Variants in STAG1 observed in about 807,000 individuals in gnomAD.
The protein encoded by STAG1 is cohesin subunit SA-1.
STAG1 carries 26 observed loss-of-function variants against 170.9 expected under a neutral mutation model. That is an observed-to-expected ratio of 0.15 (90% confidence interval 0.11 to 0.21). The LOEUF is 0.21. Ranked by LOEUF, STAG1 falls within the 10% of genes least tolerant of loss-of-function variation. The pLI is 1.00. For missense variants in STAG1, 964 were observed against 1,509.5 expected, an observed-to-expected ratio of 0.64 and a Z score of 5.99; for synonymous variants, 514 against 497.7, an observed-to-expected ratio of 1.03 and a Z score of -0.44.
chr3:136,559,124 C>CTATCTATCTATCTAT (rs1553745528), intron 5 of STAG1, among the ~76,000 whole-genome samples: 7 of 143,984 alleles, frequency 4.9e-5, no homozygotes, highest in Admixed American at 2.8e-4. Context: ...CACTGAACTA[C>CTATCTATCTATCTAT]CTATCTATCT....
At chr3:136,436,035 G>A (rs1269314368) in intron 15 of STAG1, among the ~76,000 whole-genome samples, 2 of 151,998 alleles carry the variant, frequency 1.3e-5, no homozygotes, top group Non-Finnish European at 2.9e-5. Context: ...TCAGCTCACT[G>A]CAACCTCCGC....
At chr3:136,600,648 C>T (rs1248618559) in intron 4 of STAG1, among the ~76,000 whole-genome samples, 3 of 152,144 alleles carry the variant, frequency 2.0e-5, no homozygotes, top group Admixed American at 6.5e-5. Context: ...TCTCCTGCCT[C>T]AGCCTCCTGA....
At chr3:136,700,418 CTTT>C (rs775648320) in intron 1 of STAG1, among the ~76,000 whole-genome samples, 2 of 141,350 alleles carry the variant, frequency 1.4e-5, no homozygotes, top group African/African-American at 2.6e-5. Flanking sequence ...ATTACTTCTT[CTTT>C]TTTTTTTTTT....
intron 5 of STAG1, among the ~76,000 whole-genome samples, chr3:136,542,887 CA>C (rs1020027663): frequency 6.6e-6 from 1 of 151,914 alleles, no homozygotes; most frequent in African/African-American, 2.4e-5. Context: ...TAGCAACTTG[CA>C]AAAAAAGTTT....
intron 23 of STAG1, among the ~76,000 whole-genome samples, chr3:136,377,390 A>AAAAAAAAAAAAAAAAAAG (rs1937662460): frequency 6.9e-6 from 1 of 145,710 alleles, no homozygotes; most frequent in Non-Finnish European, 1.5e-5. Flanking sequence ...CTGTCTCAAA[A>AAAAAAAAAAAAAAAAAAG]AAAAAAAAAA....
intron 5 of STAG1, among the ~76,000 whole-genome samples, chr3:136,565,150 A>G (rs1276189996): frequency 6.6e-6 from 1 of 151,122 alleles, no homozygotes; most frequent in Non-Finnish European, 1.5e-5. Flanking sequence ...GAAAGGAAAG[A>G]GAAGGGAAAG....
chr3:136,649,016 CG>C (rs917081291), intron 1 of STAG1, among the ~76,000 whole-genome samples: 1 of 152,192 alleles, frequency 6.6e-6, no homozygotes, highest in Non-Finnish European at 1.5e-5. Flanking sequence ...GGGTCCTCCC[CG>C]GTCTCACCTC....
At chr3:136,343,728 T>G (rs1455099075) in intron 30 of STAG1, 104 bp downstream of exon 30, 4 of 897,660 alleles carry the variant, frequency 4.5e-6, no homozygotes, top group East Asian at 5.8e-5. Context: ...TGGCTTATCA[T>G]GAACTGACCA....
intron 1 of STAG1, among the ~76,000 whole-genome samples, chr3:136,718,797 G>A (rs1933024483): frequency 2.0e-5 from 3 of 151,906 alleles, no homozygotes; most frequent in Non-Finnish European, 4.4e-5. Context: ...TGTGGTGGGG[G>A]GGGCCTGTAA....
intron 7 of STAG1, among the ~76,000 whole-genome samples, chr3:136,503,578 T>C (rs991333920): frequency 2.4e-4 from 37 of 152,264 alleles, no homozygotes; most frequent in Admixed American, 2.3e-3. Flanking sequence ...GGTAAATAAT[T>C]TCCCCTTTTT....
chr3:136,648,442 A>C (rs1941104945), intron 1 of STAG1, among the ~76,000 whole-genome samples: 1 of 152,232 alleles, frequency 6.6e-6, no homozygotes, highest in African/African-American at 2.4e-5. Context: ...TCTTTATTTC[A>C]CATCCTAATT....
intron 7 of STAG1, among the ~76,000 whole-genome samples, chr3:136,504,124 C>T (rs758125997): frequency 2.0e-5 from 3 of 152,134 alleles, no homozygotes; most frequent in African/African-American, 4.8e-5. Flanking sequence ...TCTATCTACA[C>T]GTATACTCAA....
At chr3:136,485,834 A>C (rs1462164271) in intron 9 of STAG1, among the ~76,000 whole-genome samples, 1 of 152,214 alleles carries the variant, frequency 6.6e-6, no homozygotes, top group East Asian at 1.9e-4. Context: ...ATACTGGTTT[A>C]TAAAGCTCTG....
At chr3:136,518,327 A>G (rs1934487148) in intron 7 of STAG1, 1 of 686,180 alleles carries the variant, frequency 1.5e-6, no homozygotes, top group East Asian at 2.7e-5. Flanking sequence ...ATATCTGGCC[A>G]TAACTGCCTT....
chr3:136,626,161 C>T (rs1233140461), intron 2 of STAG1, among the ~76,000 whole-genome samples: 1 of 152,218 alleles, frequency 6.6e-6, no homozygotes, highest in African/African-American at 2.4e-5. Flanking sequence ...GGTGCAGTGG[C>T]TCATGCCTGT....
chr3:136,669,475 T>C (rs539847704), intron 1 of STAG1, among the ~76,000 whole-genome samples: 3 of 152,238 alleles, frequency 2.0e-5, no homozygotes, highest in African/African-American at 7.2e-5. Context: ...CAGCTCAGCC[T>C]CCCAAGTAGC....
intron 5 of STAG1, among the ~76,000 whole-genome samples, chr3:136,545,333 G>T (rs1445117138): frequency 1.3e-5 from 2 of 152,134 alleles, no homozygotes; most frequent in African/African-American, 4.8e-5. Context: ...CTCCCAAACT[G>T]CTGGGATTAC....
chr3:136,474,885 G>C (rs1268311204), intron 10 of STAG1, among the ~76,000 whole-genome samples: 1 of 152,090 alleles, frequency 6.6e-6, no homozygotes, highest in Admixed American at 6.6e-5. Context: ...TAGACCCCTA[G>C]GAGGTTATGC....
chr3:136,371,275 G>T (rs1478478533), intron 23 of STAG1, among the ~76,000 whole-genome samples: 1 of 152,060 alleles, frequency 6.6e-6, no homozygotes, highest in East Asian at 1.9e-4. Context: ...AGATAAGTAG[G>T]TTGCAAAAAT....
Sources: allele counts gnomAD v4.1 joint callset (sites outside exome capture counted in the v4.1 genomes callset), GRCh38; gene constraint gnomAD v4.1.1; transcripts MANE v1.5; gene names NCBI Gene and HGNC (gene_info 2026-07-23, HGNC 2026-07-21).